LHX8: variants seen among roughly 807,000 people sequenced by gnomAD.
LHX8 encodes LIM/homeobox protein Lhx8.
In LHX8, 12 loss-of-function variants were observed where a neutral mutation model predicts 40.3. The observed-to-expected ratio is 0.30, with a 90% confidence interval of 0.19 to 0.48. The LOEUF is 0.48. LHX8 is among the 20% of genes least tolerant of loss of function. The probability of loss-of-function intolerance (pLI) is 0.99; values close to 1 mark genes in which losing one functional copy is unlikely to be tolerated. For synonymous variants in LHX8, 179 were observed against 162.0 expected, an observed-to-expected ratio of 1.10 and a Z score of -0.80; for missense variants, 344 against 433.7, an observed-to-expected ratio of 0.79 and a Z score of 1.84.
upstream of LHX8, chr1:75,130,750 ACCT>A: frequency 6.2e-7 from 1 of 1,613,234 alleles, no homozygotes; most frequent in Non-Finnish European, 8.5e-7. Flanking sequence ...TGTGGAAAGA[ACCT>A]CTAGAAGCAA....
At chr1:75,186,597 T>C in the LHX8 span, among the ~76,000 whole-genome samples, 1 of 152,132 alleles carries the variant, frequency 6.6e-6, no homozygotes, top group Non-Finnish European at 1.5e-5. Context: ...AAGGAAATGG[T>C]TTGCGAGGAC....
chr1:75,161,643 C>A (rs1405310), downstream of LHX8: 1 of 151,006 alleles, frequency 6.6e-6, no homozygotes, highest in Admixed American at 6.6e-5. Context: ...ATTGTATGAA[C>A]ACATTTGAGT....
chr1:75,133,238 G>C (rs1570281137), upstream of LHX8, among the ~76,000 whole-genome samples: 1 of 152,170 alleles, frequency 6.6e-6, no homozygotes, highest in East Asian at 1.9e-4. Context: ...AGTGTTTATG[G>C]GAGAAAAATG....
At chr1:75,185,783 T>C in the LHX8 span, among the ~76,000 whole-genome samples, 1 of 152,140 alleles carries the variant, frequency 6.6e-6, no homozygotes, top group Non-Finnish European at 1.5e-5. Flanking sequence ...CATAATCTTA[T>C]ATCTCGAAAA....
chr1:75,147,474 C>G (rs562655862), intron 6 of LHX8, among the ~76,000 whole-genome samples: 1 of 152,254 alleles, frequency 6.6e-6, no homozygotes, highest in African/African-American at 2.4e-5. Flanking sequence ...AACTTGAAAA[C>G]AAATTATTTA....
At chr1:75,181,135 G>A in the LHX8 span, among the ~76,000 whole-genome samples, 3 of 152,206 alleles carry the variant, frequency 2.0e-5, no homozygotes, top group African/African-American at 7.2e-5. Context: ...CCCCTACTGG[G>A]AGGTTTCTCC....
At chr1:75,152,196 ACTT>A (rs1648630325) in intron 7 of LHX8, among the ~76,000 whole-genome samples, 2 of 152,198 alleles carry the variant, frequency 1.3e-5, no homozygotes, top group Non-Finnish European at 2.9e-5. Context: ...TTATTACTAG[ACTT>A]CTTCTAATAT....
At chr1:75,163,117 A>G (rs1253537550), downstream of LHX8, among the ~76,000 whole-genome samples, 1 of 151,666 alleles carries the variant, frequency 6.6e-6, no homozygotes, top group African/African-American at 2.4e-5. Flanking sequence ...TTTTATTTGG[A>G]CAAGGTAGTA....
In LHX8 at chr1:75,137,333, G is replaced by A. The variant is rs963360240; in HGVS notation, c.237+72G>A. On this transcript the variant is annotated intron_variant, in intron 3 of 8. Coordinates refer to ENST00000356261, the MANE Select transcript of LHX8 (RefSeq NM_001256114.2). Reference sequence around the variant, plus strand: ...GTGGGAGCTCTGGGAAAAGAGTAATGTTCCTCCCACCAACCTTTCCGTTCA... The same window carrying A: ...GTGGGAGCTCTGGGAAAAGAGTAATATTCCTCCCACCAACCTTTCCGTTCA... 3.1e-4 allele frequency: 452 copies of A among 1,462,638 alleles called. 3 individuals carry two copies. Among genetic ancestry groups the A allele is most frequent in the Admixed American group, 9.3e-4 (53 of 56,922 alleles). 90.6% of individuals were successfully genotyped at this position (1,462,638 alleles called of 1,614,324 possible).
At chr1:75,142,300 CAATA>C (rs1648337119) in intron 4 of LHX8, among the ~76,000 whole-genome samples, 1 of 151,950 alleles carries the variant, frequency 6.6e-6, no homozygotes, top group African/African-American at 2.4e-5. Flanking sequence ...ATGTATCTGT[CAATA>C]AATAGACACT....
chr1:75,156,981 C>G lies in LHX8; in HGVS notation c.869C>G (p.Ser290Cys), dbSNP rs1648785390. The change falls in exon 8 of 9, where the codon TCC (serine) becomes TGC (cysteine). Residue 290 changes from serine to cysteine, a missense_variant. Coordinates refer to ENST00000356261, the MANE Select transcript of LHX8 (RefSeq NM_001256114.2). ...SSTPVTAVPP[S>C]RLSPPMLEEM... ...ACCCCAGTCACAGCAGTCCCACCCTCCAGGCTGTCTCCACCCATGTTAGAA... is the reference window on the plus strand; with the variant it reads ...ACCCCAGTCACAGCAGTCCCACCCTGCAGGCTGTCTCCACCCATGTTAGAA... 1 of 1,614,156 alleles carries G rather than the reference C, an allele frequency of 6.2e-7. No individual in the cohort carries two copies. The highest frequency in any genetic ancestry group is 1.1e-5 in the South Asian group (1 of 91,076).
At chr1:75,143,385 C>A in intron 5 of LHX8, 47 bp downstream of exon 5, 1 of 1,405,048 alleles carries the variant, frequency 7.1e-7, no homozygotes. Flanking sequence ...ACAGTGAATA[C>A]AGGAATAAAA....
chr1:75,198,037 A>G, the LHX8 span, among the ~76,000 whole-genome samples: 1 of 152,212 alleles, frequency 6.6e-6, no homozygotes, highest in Admixed American at 6.5e-5. Context: ...CTGGCTTAAT[A>G]TCAGGATTTA....
chr1:75,170,983 G>A, the LHX8 span, among the ~76,000 whole-genome samples: 1 of 152,080 alleles, frequency 6.6e-6, no homozygotes, highest in Non-Finnish European at 1.5e-5. Context: ...GGCTCAGCAC[G>A]GCCAAATAAC....
chr1:75,196,981 G>GCAATTTATATGCCCAAGA, the LHX8 span, among the ~76,000 whole-genome samples: 1 of 152,122 alleles, frequency 6.6e-6, no homozygotes, highest in Non-Finnish European at 1.5e-5. Context: ...CAGTTCAAGA[G>GCAATTTATATGCCCAAGA]CAATTTATAT....
chr1:75,197,883 G>A, the LHX8 span, among the ~76,000 whole-genome samples: 1 of 152,152 alleles, frequency 6.6e-6, no homozygotes, highest in African/African-American at 2.4e-5. Context: ...TTAATCAAAT[G>A]AAGATCTATG....
chr1:75,153,694 C>A (rs1449209994), intron 7 of LHX8, among the ~76,000 whole-genome samples: 1 of 152,204 alleles, frequency 6.6e-6, no homozygotes, highest in Non-Finnish European at 1.5e-5. Context: ...CAGGTGTGAG[C>A]CACCACGCCG....
At chr1:75,135,846 C>G (rs368925239) in intron 1 of LHX8, among the ~76,000 whole-genome samples, 7 of 152,092 alleles carry the variant, frequency 4.6e-5, no homozygotes, top group African/African-American at 1.4e-4. Context: ...TAAAAATAAT[C>G]CTTTAGTAGC....
At chr1:75,135,706 C>G (rs916474345) in intron 1 of LHX8, among the ~76,000 whole-genome samples, 1 of 152,228 alleles carries the variant, frequency 6.6e-6, no homozygotes, top group African/African-American at 2.4e-5. Context: ...CCAGCAAATA[C>G]TTGGAAACAC....
Sources: allele counts gnomAD v4.1 joint callset (sites outside exome capture counted in the v4.1 genomes callset), GRCh38; gene constraint gnomAD v4.1.1; transcripts MANE v1.5; gene names NCBI Gene and HGNC (gene_info 2026-07-23, HGNC 2026-07-21).